The following MMS22L variants were observed in gnomAD, a reference collection of about 807,000 sequenced individuals.
The protein encoded by MMS22L is protein MMS22-like.
In MMS22L, 74 loss-of-function variants were observed where a neutral mutation model predicts 159.1. The ratio of observed to expected loss-of-function variants is 0.47; its 90% confidence interval spans 0.39 to 0.56. MMS22L has a LOEUF of 0.56. MMS22L is among the 20% of genes least tolerant of loss of function. The pLI is 0.00. For missense variants in MMS22L, 1,351 were observed against 1,422.1 expected (o/e 0.95, Z 0.80); for synonymous variants, 517 against 506.9 (o/e 1.02, Z -0.27).
rs1244447245 is a variant in MMS22L, at chr6:97,146,875, G to A, written c.3663C>T (p.Ser1221=). 1 of 1,553,334 alleles carries A rather than the reference G, an allele frequency of 6.4e-7. No individual in the cohort carries two copies. Among genetic ancestry groups the A allele is most frequent in the African/African-American group, 1.4e-5 (1 of 70,058 alleles). The change falls in exon 25 of 25, where the codon AGC becomes AGT. Residue 1221 remains serine (S), a synonymous_variant. Coordinates refer to ENST00000683635, the MANE Select transcript of MMS22L (RefSeq NM_001350599.2). ...GRNIAQREAY[S]KLLSHLGQMG... is the part of the protein sequence containing the mutation. ...TCTGTCCAAGGTGAGACAAAAGTTT[G>A]CTATAGGCTTCCCTGTTTAAGAAAA...
At chr6:97,277,020 C>T (rs950028567) in intron 4 of MMS22L, among the ~76,000 whole-genome samples, 4 of 152,104 alleles carry the variant, frequency 2.6e-5, no homozygotes, top group Non-Finnish European at 5.9e-5. Context: ...TTACAAATCA[C>T]GTAACATATT....
At chr6:97,204,794 CAAAAA>C (rs58113888) in intron 14 of MMS22L, among the ~76,000 whole-genome samples, 1 of 106,410 alleles carries the variant, frequency 9.4e-6, no homozygotes, top group Admixed American at 1.1e-4. Context: ...GACTCAGTGT[CAAAAA>C]AAAAAAAAAA....
chr6:97,275,296 A>G (rs1428471435), intron 4 of MMS22L, among the ~76,000 whole-genome samples: 1 of 152,210 alleles, frequency 6.6e-6, no homozygotes, highest in Non-Finnish European at 1.5e-5. Context: ...TGGGAGGCTG[A>G]GGCAGGCGAA....
intron 14 of MMS22L, among the ~76,000 whole-genome samples, chr6:97,217,015 C>A (rs1333376340): frequency 6.6e-6 from 1 of 152,096 alleles, no homozygotes; most frequent in African/African-American, 2.4e-5. Context: ...GTTCTTCACT[C>A]TAGTTTCTGT....
chr6:97,283,884 A>G (rs1195538241), upstream of MMS22L, among the ~76,000 whole-genome samples: 3 of 152,252 alleles, frequency 2.0e-5, no homozygotes, highest in Non-Finnish European at 4.4e-5. Flanking sequence ...ACTAGAAATA[A>G]AGTAGATACT....
intron 19 of MMS22L, among the ~76,000 whole-genome samples, chr6:97,169,871 T>C (rs2128251824): frequency 6.6e-6 from 1 of 152,230 alleles, no homozygotes; most frequent in East Asian, 1.9e-4. Context: ...ACCCGTGCTA[T>C]AGGGTACCAC....
At chr6:97,174,896 TGA>T (rs1436663547) in intron 18 of MMS22L, among the ~76,000 whole-genome samples, 1 of 152,192 alleles carries the variant, frequency 6.6e-6, no homozygotes, top group Non-Finnish European at 1.5e-5. Context: ...TGAACCTAAA[TGA>T]GTGACTGTGA....
intron 8 of MMS22L, 32 bp from the exon 9 acceptor site, chr6:97,263,480 A>G (rs746609618): frequency 3.4e-6 from 4 of 1,161,518 alleles, no homozygotes; most frequent in Non-Finnish European, 4.8e-6. Flanking sequence ...TGTTATTTAT[A>G]AGACAGCAGC....
intron 14 of MMS22L, among the ~76,000 whole-genome samples, chr6:97,207,476 C>T (rs1006650125): frequency 6.6e-6 from 1 of 152,118 alleles, no homozygotes; most frequent in African/African-American, 2.4e-5. Flanking sequence ...AAAAAATTAT[C>T]ACATAAATGT....
chr6:97,255,744 T>C (rs940844428), intron 9 of MMS22L, among the ~76,000 whole-genome samples: 2 of 146,388 alleles, frequency 1.4e-5, no homozygotes, highest in Non-Finnish European at 3.0e-5. Context: ...TAGAAATATA[T>C]TTCATTATTT....
intron 10 of MMS22L, among the ~76,000 whole-genome samples, chr6:97,249,151 T>A (rs187814373): frequency 6.6e-6 from 1 of 152,204 alleles, no homozygotes; most frequent in African/African-American, 2.4e-5. Context: ...ATAATGGAAC[T>A]CCCATAAAAA....
At chr6:97,248,759 T>G (rs914644501) in intron 10 of MMS22L, among the ~76,000 whole-genome samples, 2 of 151,758 alleles carry the variant, frequency 1.3e-5, no homozygotes, top group Non-Finnish European at 2.9e-5. Flanking sequence ...CTAGGGAGGT[T>G]GAGGCAGGAG....
intron 15 of MMS22L, among the ~76,000 whole-genome samples, chr6:97,184,333 T>C (rs555645783): frequency 3.0e-4 from 46 of 152,246 alleles, no homozygotes; most frequent in African/African-American, 1.1e-3. Context: ...TTTTCATCCA[T>C]ACTTGCTCTA....
chr6:97,270,010 A>C lies in MMS22L; in HGVS notation c.607-18T>G. ...GGAAAAAGCTGTGGATGACATTATC[A>C]ACTGTGATTGAGAATTCATTAATAT... On this transcript the variant is annotated intron_variant, in intron 6 of 24. Coordinates refer to ENST00000683635, the MANE Select transcript of MMS22L (RefSeq NM_001350599.2). 1 of 1,580,758 alleles carries C rather than the reference A, an allele frequency of 6.3e-7. No individual in the cohort carries two copies. Among genetic ancestry groups the C allele is most frequent in the East Asian group, 2.2e-5 (1 of 44,622 alleles).
At chr6:97,248,688 C>T (rs6914489) in intron 10 of MMS22L, among the ~76,000 whole-genome samples, 97,796 of 151,722 alleles carry the variant, frequency 0.64, 33,033 homozygotes, top group Non-Finnish European at 0.76. Context: ...GGTGAAACCC[C>T]GTCTCTACTA....
intron 11 of MMS22L, among the ~76,000 whole-genome samples, chr6:97,238,619 C>T (rs769757827): frequency 4.8e-5 from 7 of 145,314 alleles, no homozygotes; most frequent in Non-Finnish European, 8.9e-5. Flanking sequence ...GTGTATCAGA[C>T]GGGGAGAGAA....
chr6:97,210,124 T>C (rs1362231623), intron 14 of MMS22L, among the ~76,000 whole-genome samples: 1 of 151,872 alleles, frequency 6.6e-6, no homozygotes, highest in Non-Finnish European at 1.5e-5. Flanking sequence ...AGAGCTGAAT[T>C]AGGTACAAAA....
chr6:97,259,308 G>A (rs986580141), intron 9 of MMS22L: 2 of 152,104 alleles, frequency 1.3e-5, no homozygotes, highest in African/African-American at 4.8e-5. Flanking sequence ...CAGGCCACAG[G>A]ATGCCAAGAT....
At chr6:97,215,111 TATA>T (rs1398085890) in intron 14 of MMS22L, among the ~76,000 whole-genome samples, 211 of 100,974 alleles carry the variant, frequency 2.1e-3, no homozygotes, top group Middle Eastern at 5.2e-3. Flanking sequence ...TATATATATA[TATA>T]TTTTTTTTTT....
Sources: allele counts gnomAD v4.1 joint callset (sites outside exome capture counted in the v4.1 genomes callset), GRCh38; gene constraint gnomAD v4.1.1; transcripts MANE v1.5; gene names NCBI Gene and HGNC (gene_info 2026-07-23, HGNC 2026-07-21).